Variants in PDS5A observed in about 807,000 individuals in gnomAD.
PDS5A encodes the protein PDS5 cohesin associated factor A, also known as sister chromatid cohesion protein PDS5 homolog A.
In PDS5A, 42 loss-of-function variants were observed where a neutral mutation model predicts 167.1. The observed-to-expected ratio is 0.25, with a 90% CI of 0.20 to 0.33. PDS5A has a LOEUF of 0.33. Ranked by LOEUF, PDS5A falls within the 10% of genes least tolerant of loss-of-function variation. The pLI, the probability that PDS5A is intolerant of heterozygous loss-of-function variation, is 1.00. For synonymous variants in PDS5A, 553 were observed against 554.6 expected, an observed-to-expected ratio of 1.00 and a Z score of 0.04; for missense variants, 1,033 against 1,605.9, an observed-to-expected ratio of 0.64 and a Z score of 6.10.
intron 2 of PDS5A, among the ~76,000 whole-genome samples, chr4:39,958,184 G>C (rs759660078): frequency 1.6e-4 from 24 of 151,974 alleles, no homozygotes; most frequent in Non-Finnish European, 3.2e-4. Flanking sequence ...GAGGCACCAC[G>C]CCCAGCCAGG....
intron 2 of PDS5A, among the ~76,000 whole-genome samples, chr4:39,967,074 G>T (rs1344850077): frequency 6.6e-6 from 1 of 151,576 alleles, no homozygotes; most frequent in African/African-American, 2.4e-5. Context: ...GGAGGCCGAG[G>T]TGGGTGGATC....
At chr4:39,835,698 T>C (rs1435264231) in intron 32 of PDS5A, among the ~76,000 whole-genome samples, 1 of 152,126 alleles carries the variant, frequency 6.6e-6, no homozygotes, top group African/African-American at 2.4e-5. Flanking sequence ...AATTTTTGCA[T>C]TTTTAGTAGA....
rs1715737025 is a variant in PDS5A, at chr4:39,830,261, C to A, written c.4011-4773G>T. Among the ~76,000 whole-genome samples the A allele has an allele frequency of 2.0e-5, 3 of 152,128 alleles. No individual in the cohort carries two copies. In the South Asian group the frequency reaches 6.2e-4, roughly 31 times the overall value. On this transcript the variant is annotated intron_variant, in intron 32 of 32. Coordinates refer to ENST00000303538, the MANE Select transcript of PDS5A (RefSeq NM_001100399.2). Reference sequence around the variant, plus strand: ...CTGGAGTACAGTGGCACTATCATGGCCCACTGGAGCTATGAACACTGAGGC... The same window carrying A: ...CTGGAGTACAGTGGCACTATCATGGACCACTGGAGCTATGAACACTGAGGC...
At chr4:39,893,935 TCA>T (rs900994196) in intron 16 of PDS5A, among the ~76,000 whole-genome samples, 14 of 152,238 alleles carry the variant, frequency 9.2e-5, no homozygotes, top group Admixed American at 3.9e-4. Context: ...GCTGTTGCAG[TCA>T]CAGTGTTGGG....
intron 32 of PDS5A, among the ~76,000 whole-genome samples, 157 bp from the exon 33 acceptor site, chr4:39,825,645 A>G (rs537304027): frequency 2.6e-5 from 4 of 151,674 alleles, no homozygotes; most frequent in Admixed American, 6.6e-5. Context: ...GCTGAAGTAC[A>G]GTGGCACGAT....
intron 26 of PDS5A, among the ~76,000 whole-genome samples, chr4:39,854,421 T>C (rs745979042): frequency 4.6e-5 from 7 of 152,224 alleles, no homozygotes; most frequent in Non-Finnish European, 1.0e-4. Flanking sequence ...CAATGAATGT[T>C]AGCTGGTTCC....
chr4:39,954,670 T>TAAATAAAAAAAAAAAAA (rs1553908181), intron 2 of PDS5A, among the ~76,000 whole-genome samples: 1 of 48,272 alleles, frequency 2.1e-5, no homozygotes, highest in Non-Finnish European at 4.1e-5. Context: ...AAGAGATAAG[T>TAAATAAAAAAAAAAAAA]AAAAAAAAAA....
intron 17 of PDS5A, 61 bp downstream of exon 17, chr4:39,890,188 T>C: frequency 1.1e-6 from 1 of 917,206 alleles, no homozygotes; most frequent in Non-Finnish European, 1.7e-6. Context: ...AGAATTTAAA[T>C]TAACAACATT....
chr4:39,972,648 A>G (rs999026125), intron 2 of PDS5A, among the ~76,000 whole-genome samples: 2 of 150,776 alleles, frequency 1.3e-5, no homozygotes, highest in Admixed American at 6.6e-5. Flanking sequence ...TACAGGCATG[A>G]GCCCCTGTAC....
chr4:39,843,233 G>A lies in PDS5A; in HGVS notation c.3549-1177C>T, dbSNP rs115033857. 2.0e-3 allele frequency among the ~76,000 whole-genome samples: 298 copies of A among 151,708 alleles called. 2 individuals are homozygous for A. The highest frequency in any genetic ancestry group is 7.1e-3 in the African/African-American group (292 of 41,364). On this transcript the variant is annotated intron_variant, in intron 30 of 32. Transcript: ENST00000303538. ...GTCACCCAGGCTGGAGTGTAGCAGA[G>A]ACATCATAGCTCACTTTAGACTTGA... is the stretch of plus-strand genomic sequence containing the variant.
chr4:39,943,102 A>G (rs1165534408), intron 2 of PDS5A, among the ~76,000 whole-genome samples: 1 of 150,508 alleles, frequency 6.6e-6, no homozygotes, highest in African/African-American at 2.4e-5. Context: ...CAAAATTTGC[A>G]TTTGGCAAAA....
chr4:39,864,541 T>C (rs1719266017), intron 23 of PDS5A, among the ~76,000 whole-genome samples: 1 of 152,188 alleles, frequency 6.6e-6, no homozygotes, highest in South Asian at 2.1e-4. Flanking sequence ...AGCATGGCTT[T>C]TGTATTTATT....
rs2109556790 is a variant in PDS5A, at chr4:39,866,800, C to T, written c.2642+61G>A. The T allele has an allele frequency of 3.4e-6, 5 of 1,463,558 alleles. No homozygotes were observed. In the South Asian group the frequency reaches 5.0e-5, roughly 15 times the overall value. 90.7% of individuals were successfully genotyped at this position (1,463,558 alleles called of 1,614,324 possible). On this transcript the variant is annotated intron_variant, in intron 23 of 32. Transcript: ENST00000303538. ...TTCAGTATTCATTAGGTAAATAATT[C>T]CTATGTAAATTCCACCAAAATTTCA...
chr4:39,890,431 T>TA, intron 16 of PDS5A, 67 bp from the exon 17 acceptor site: 3 of 850,312 alleles, frequency 3.5e-6, no homozygotes, highest in Non-Finnish European at 5.7e-6. Context: ...GAAAAATGAC[T>TA]AAGGAACTGA....
At chr4:39,835,073 A>T (rs376263291) in intron 32 of PDS5A, among the ~76,000 whole-genome samples, 1 of 152,108 alleles carries the variant, frequency 6.6e-6, no homozygotes, top group African/African-American at 2.4e-5. Flanking sequence ...CGGGTAGCTG[A>T]GATTACAGGG....
At chr4:39,974,277 T>C in intron 2 of PDS5A, 1 of 541,014 alleles carries the variant, frequency 1.8e-6, no homozygotes, top group Non-Finnish European at 3.8e-6. Flanking sequence ...CTTAATACTA[T>C]GAGACCAGCT....
At chr4:39,862,441 C>A in intron 25 of PDS5A, 108 bp from the exon 26 acceptor site, 2 of 541,754 alleles carry the variant, frequency 3.7e-6, no homozygotes, top group Non-Finnish European at 6.7e-6. Flanking sequence ...AAATTAGGCA[C>A]AACATGATAC....
chr4:39,965,281 C>G (rs1729872050), intron 2 of PDS5A, among the ~76,000 whole-genome samples: 1 of 152,188 alleles, frequency 6.6e-6, no homozygotes, highest in South Asian at 2.1e-4. Context: ...GAAAAGAACC[C>G]AGCTGGGTCC....
At chr4:39,973,013 CCTTTT>C in intron 2 of PDS5A, 1 of 404,046 alleles carries the variant, frequency 2.5e-6, no homozygotes, top group Non-Finnish European at 4.5e-6. Context: ...AGTTTCCTTT[CCTTTT>C]TAAATTTATT....
Sources: gnomAD v4.1 joint callset for allele counts (sites outside exome capture counted in the v4.1 genomes callset) on GRCh38, gnomAD v4.1.1 for gene constraint, MANE v1.5 for transcripts, NCBI Gene and HGNC (gene_info 2026-07-23, HGNC 2026-07-21) for gene names.